Variants in DIAPH2 observed in about 807,000 individuals in gnomAD.
DIAPH2 encodes protein diaphanous homolog 2.
DIAPH2 carries 35 observed loss-of-function variants against 92.7 expected under a neutral mutation model. The observed-to-expected ratio is 0.38, with a 90% confidence interval of 0.29 to 0.50. The LOEUF (loss-of-function observed/expected upper bound fraction) is 0.50, where lower values mean the gene tolerates loss of function less well. Among genes scored for constraint, DIAPH2 ranks in the 20% least tolerant of loss-of-function variants. The pLI is 0.94. For synonymous variants in DIAPH2, 301 were observed against 280.4 expected, an observed-to-expected ratio of 1.07 and a Z score of -0.73; for missense variants, 701 against 819.5, an observed-to-expected ratio of 0.86 and a Z score of 1.77.
chrX:97,393,495 T>C (rs1028579641), intron 25 of DIAPH2, among the ~76,000 whole-genome samples: 4 of 112,042 alleles, frequency 3.6e-5, no homozygotes, highest in Non-Finnish European at 7.5e-5. Flanking sequence ...AAAGCTAATT[T>C]AAATGCAACA....
intron 1 of DIAPH2, among the ~76,000 whole-genome samples, chrX:96,711,538 T>C (rs1473636971): frequency 1.8e-5 from 2 of 111,688 alleles, no homozygotes; most frequent in Non-Finnish European, 3.8e-5. Flanking sequence ...TGTTTTTTTC[T>C]TGCTGATTTG....
At chrX:97,185,455 GTATATA>G (rs1328942682) in intron 22 of DIAPH2, among the ~76,000 whole-genome samples, 3 of 9,118 alleles carry the variant, frequency 3.3e-4, no homozygotes, top group African/African-American at 1.3e-3. Flanking sequence ...ATATGTGTGT[GTATATA>G]TATATATATA....
intron 22 of DIAPH2, among the ~76,000 whole-genome samples, chrX:97,224,696 T>C (rs982898465): frequency 1.3e-4 from 15 of 111,789 alleles, no homozygotes; most frequent in African/African-American, 4.9e-4. Context: ...ATTTGAGTCA[T>C]TCATTGTAGA....
At chrX:97,195,606 A>G (rs1301162561) in intron 22 of DIAPH2, among the ~76,000 whole-genome samples, 1 of 103,651 alleles carries the variant, frequency 9.6e-6, no homozygotes, top group African/African-American at 3.5e-5. Flanking sequence ...GGTTGCAGTG[A>G]GCTGAGATCT....
intron 20 of DIAPH2, among the ~76,000 whole-genome samples, chrX:97,109,683 G>A (rs995505924): frequency 1.8e-5 from 2 of 111,316 alleles, no homozygotes; most frequent in African/African-American, 3.3e-5. Flanking sequence ...GACCTTACAT[G>A]TACTTCCTCT....
At chrX:97,064,020 T>C (rs774855851) in intron 17 of DIAPH2, among the ~76,000 whole-genome samples, 1 of 112,304 alleles carries the variant, frequency 8.9e-6, no homozygotes, top group South Asian at 3.7e-4. Context: ...ATTCACTATC[T>C]AGCCTTATAG....
chrX:97,185,367 A>G (rs776058719), intron 22 of DIAPH2, among the ~76,000 whole-genome samples: 2 of 54,172 alleles, frequency 3.7e-5, no homozygotes, highest in African/African-American at 1.3e-4. Flanking sequence ...GTATATATAT[A>G]TGTATATATA....
intron 17 of DIAPH2, among the ~76,000 whole-genome samples, chrX:97,017,895 C>A (rs777697778): frequency 8.9e-6 from 1 of 112,130 alleles, no homozygotes; most frequent in African/African-American, 3.2e-5. Flanking sequence ...ATTAATTATA[C>A]TTAGTACTTT....
At position 97,429,718 on chromosome X, in the gene DIAPH2, C is replaced by T. The variant is rs140577213; in HGVS notation, c.3214C>T (p.Arg1072Cys). Residue 1072 changes from arginine to cysteine, a missense_variant, in exon 26 of 27, where the codon CGT (arginine) becomes TGT (cysteine). Coordinates refer to ENST00000324765, the MANE Select transcript of DIAPH2 (RefSeq NM_006729.5). ...ALQSGAAFRD[R>C]RKRIPRNPDN... The stretch of plus-strand genomic sequence containing the variant: ...ACAATCAGGTGCAGCATTCAGAGAC[C>T]GTCGAAAGCGGATTCCAAGGAATCC... The T allele has an allele frequency of 8.3e-6, 10 of 1,205,885 alleles. No individual in the cohort carries two copies. Among genetic ancestry groups the T allele is most frequent in the East Asian group, 3.0e-5 (1 of 33,635 alleles).
intron 19 of DIAPH2, among the ~76,000 whole-genome samples, chrX:97,099,388 A>G (rs909005795): frequency 1.8e-5 from 2 of 111,446 alleles, no homozygotes; most frequent in African/African-American, 6.5e-5. Flanking sequence ...AAATTATTCT[A>G]TATGTTTAAG....
chrX:96,718,962 G>C (rs374253550), intron 1 of DIAPH2, among the ~76,000 whole-genome samples: 2 of 110,842 alleles, frequency 1.8e-5, no homozygotes, highest in East Asian at 2.8e-4. Flanking sequence ...CTGTCTTTTG[G>C]ATAAAAGCAA....
At chrX:97,101,449 A>C (rs1332398761) in intron 20 of DIAPH2, among the ~76,000 whole-genome samples, 2 of 111,025 alleles carry the variant, frequency 1.8e-5, no homozygotes, top group Non-Finnish European at 3.8e-5. Context: ...AATAATTCTG[A>C]GGCTGTGCAT....
intron 26 of DIAPH2, among the ~76,000 whole-genome samples, chrX:97,497,664 G>A (rs1200445052): frequency 9.1e-6 from 1 of 110,194 alleles, no homozygotes; most frequent in Non-Finnish European, 1.9e-5. Flanking sequence ...AAATTAGCGA[G>A]GTATATTGGC....
intron 20 of DIAPH2, among the ~76,000 whole-genome samples, chrX:97,109,888 G>T (rs951679380): frequency 5.4e-5 from 6 of 111,648 alleles, no homozygotes; most frequent in African/African-American, 2.0e-4. Context: ...ATGAATCAAT[G>T]AAGAATTTTT....
At chrX:96,724,140 G>C (rs1468491120) in intron 1 of DIAPH2, among the ~76,000 whole-genome samples, 2 of 109,633 alleles carry the variant, frequency 1.8e-5, no homozygotes, top group African/African-American at 6.7e-5. Flanking sequence ...TGGTCAGGCT[G>C]GTCTTGAACT....
intron 23 of DIAPH2, among the ~76,000 whole-genome samples, chrX:97,343,934 G>C (rs905757323): frequency 9.0e-6 from 1 of 111,387 alleles, no homozygotes; most frequent in Non-Finnish European, 1.9e-5. Flanking sequence ...CTATTACAGT[G>C]TCTACATTCT....
At chrX:96,925,685 A>G (rs901601831) in intron 9 of DIAPH2, among the ~76,000 whole-genome samples, 1 of 111,921 alleles carries the variant, frequency 8.9e-6, no homozygotes, top group African/African-American at 3.2e-5. Flanking sequence ...AAAGTCCAAC[A>G]ATGGCTTCCC....
chrX:97,300,619 A>T (rs1188056078), intron 23 of DIAPH2, among the ~76,000 whole-genome samples: 2 of 7,877 alleles, frequency 2.5e-4, no homozygotes, highest in Admixed American at 2.4e-3. Context: ...AGCTTATTTA[A>T]AAAAAAAAAA....
intron 3 of DIAPH2, among the ~76,000 whole-genome samples, chrX:96,757,833 C>T: frequency 8.9e-6 from 1 of 111,858 alleles, no homozygotes; most frequent in Admixed American, 9.5e-5. Flanking sequence ...AAATAAAGAG[C>T]TTTGTTAGCA....
Sources: allele counts gnomAD v4.1 joint callset (sites outside exome capture counted in the v4.1 genomes callset), GRCh38; gene constraint gnomAD v4.1.1; transcripts MANE v1.5; gene names NCBI Gene and HGNC (gene_info 2026-07-23, HGNC 2026-07-21).